Variants in PLCE1 observed in about 807,000 individuals in gnomAD.
The protein encoded by PLCE1 is 1-phosphatidylinositol 4,5-bisphosphate phosphodiesterase epsilon-1.
PLCE1 carries 119 observed loss-of-function variants against 242.8 expected under a neutral mutation model. The ratio of observed to expected loss-of-function variants is 0.49; its 90% CI spans 0.42 to 0.57. The LOEUF (loss-of-function observed/expected upper bound fraction) is 0.57, where lower values mean the gene tolerates loss of function less well. Ranked by LOEUF, PLCE1 falls within the 20% of genes least tolerant of loss-of-function variation. The pLI is 0.00. For missense variants in PLCE1, 2,441 were observed against 2,788.8 expected, an observed-to-expected ratio of 0.88 and a Z score of 2.81; for synonymous variants, 945 against 1,017.4, an observed-to-expected ratio of 0.93 and a Z score of 1.35.
At chr10:94,266,207 GT>G (rs2051510723) in intron 16 of PLCE1, among the ~76,000 whole-genome samples, 1 of 151,920 alleles carries the variant, frequency 6.6e-6, no homozygotes, top group Non-Finnish European at 1.5e-5. Flanking sequence ...GAAAGTGTTT[GT>G]TTGAGACTCA....
chr10:94,097,869 G>A (rs2045372955), intron 2 of PLCE1, among the ~76,000 whole-genome samples: 1 of 152,224 alleles, frequency 6.6e-6, no homozygotes, highest in Non-Finnish European at 1.5e-5. Context: ...ATGCTCCAAA[G>A]TAGCATTGGC....
At chr10:94,230,288 T>A (rs1477082498) in intron 5 of PLCE1, among the ~76,000 whole-genome samples, 1 of 152,144 alleles carries the variant, frequency 6.6e-6, no homozygotes, top group African/African-American at 2.4e-5. Context: ...ATCCAGGTAA[T>A]GGAATATTAT....
intron 1 of PLCE1, among the ~76,000 whole-genome samples, chr10:94,027,349 C>T (rs1456719714): frequency 6.6e-6 from 1 of 152,174 alleles, no homozygotes; most frequent in Admixed American, 6.5e-5. Context: ...GTGTACTCAA[C>T]AAATATTTGC....
chr10:94,304,689 C>T (rs2053145409), intron 25 of PLCE1, 44 bp downstream of exon 25: 1 of 1,595,590 alleles, frequency 6.3e-7, no homozygotes. Flanking sequence ...CGGGTTTAAG[C>T]CTTCCTGAAA....
rs763759972 is a variant in PLCE1, at chr10:94,298,576, C to T, written c.5365C>T (p.Pro1789Ser). 1 of 1,614,088 alleles carries T rather than the reference C, an allele frequency of 6.2e-7. No homozygotes were observed. The highest frequency in any genetic ancestry group is 1.1e-5 in the South Asian group (1 of 91,080). ...CGCCTGTCAGCTGCTGAGAACTTAC[C>T]CTGCTGCCACCCGCATCGACTCTTC... ...HTACQLLRTY[P>S]AATRIDSSNP... is the part of the protein sequence containing the mutation. Residue 1789 changes from proline to serine, a missense_variant, in exon 24 of 33, where the codon CCT (proline) becomes TCT (serine). By Grantham distance (74) the Pro-to-Ser change is moderately conservative. Around this residue, in one of 5 missense-constraint regions of PLCE1, gnomAD observed 1,004 missense variants for 1,322.7 expected, o/e 0.76. Coordinates refer to ENST00000371380, the MANE Select transcript of PLCE1 (RefSeq NM_016341.4). This position sits in a 1 kb window ranked among gnomAD's most constrained non-coding sequence, Gnocchi z 5.2.
intron 27 of PLCE1, among the ~76,000 whole-genome samples, chr10:94,309,219 G>A (rs533854988): frequency 5.9e-5 from 9 of 152,346 alleles, no homozygotes; most frequent in African/African-American, 1.4e-4. Flanking sequence ...CTCTGCTGGC[G>A]ATGCATAACT....
intron 26 of PLCE1, among the ~76,000 whole-genome samples, chr10:94,307,068 G>A (rs2053229470): frequency 6.6e-6 from 1 of 152,162 alleles, no homozygotes; most frequent in Admixed American, 6.5e-5. Flanking sequence ...GTTGGAGTCG[G>A]TGCCTGGCAG....
chr10:94,118,687 G>A (rs1398173389), intron 2 of PLCE1, among the ~76,000 whole-genome samples: 1 of 152,166 alleles, frequency 6.6e-6, no homozygotes, highest in Non-Finnish European at 1.5e-5. Flanking sequence ...CCAGTCATGT[G>A]GAACTATAAG....
rs761601311 is a variant in PLCE1, at chr10:94,132,226, T to G, written c.1259T>G (p.Leu420Arg). 6.2e-7 allele frequency: 1 copy of G among 1,614,092 alleles called. No individual in the cohort carries two copies. The highest frequency in any genetic ancestry group is 8.5e-7 in the Non-Finnish European group (1 of 1,179,974). Residue 420 changes from leucine to arginine, a missense_variant, in exon 3 of 33, where the codon CTC becomes CGC. This residue lies in a region of PLCE1 where 733 missense variants were observed against 754.2 expected (regional missense o/e 0.97). Coordinates refer to ENST00000371380, the MANE Select transcript of PLCE1 (RefSeq NM_016341.4). ...ACAGAAAATACAGTTGGATCTCTACTCCATTTCCTCACCAAGCTCCCAGCC... is the reference window on the plus strand; with the variant it reads ...ACAGAAAATACAGTTGGATCTCTACGCCATTTCCTCACCAAGCTCCCAGCC... The part of the protein sequence containing the change: ...EETENTVGSL[L>R]HFLTKLPASE...
chr10:94,113,957 G>T (rs1188230468), intron 2 of PLCE1, among the ~76,000 whole-genome samples: 1 of 152,204 alleles, frequency 6.6e-6, no homozygotes, highest in Non-Finnish European at 1.5e-5. Flanking sequence ...AGAAGGCCAA[G>T]TTCAGTTTTC....
intron 2 of PLCE1, among the ~76,000 whole-genome samples, chr10:94,106,780 G>A (rs2045750919): frequency 6.6e-6 from 1 of 151,644 alleles, no homozygotes; most frequent in Admixed American, 6.6e-5. Flanking sequence ...CTCCTCTCTG[G>A]GAGCTCATAT....
chr10:93,996,414 T>C (rs1022483940), intron 1 of PLCE1, among the ~76,000 whole-genome samples: 1 of 152,146 alleles, frequency 6.6e-6, no homozygotes, highest in African/African-American at 2.4e-5. Flanking sequence ...AGACAGGTGA[T>C]TAGGAAACAT....
intron 2 of PLCE1, among the ~76,000 whole-genome samples, chr10:94,114,760 CT>C (rs35602455): frequency 0.83 from 123,175 of 147,976 alleles, 53,893 homozygotes; most frequent in South Asian, 0.97. Context: ...TTGCACAGTT[CT>C]TTTTTTTTTT....
chr10:94,163,031 T>C lies in PLCE1; in HGVS notation c.1493-8149T>C, dbSNP rs1362451367. Among the ~76,000 whole-genome samples, 3 of 152,362 alleles carry C rather than the reference T, an allele frequency of 2.0e-5. No homozygotes were observed. The East Asian group carries it at 5.8e-4, about 29-fold the overall frequency. On this transcript the variant is annotated intron_variant, in intron 3 of 32. Transcript: ENST00000371380. ...CCGTGGTCTGAGAGACAGTTTGTTATAATTTCTGTTCTTTTACATTTGCTG... is the reference window on the plus strand; with the variant it reads ...CCGTGGTCTGAGAGACAGTTTGTTACAATTTCTGTTCTTTTACATTTGCTG...
At chr10:94,008,341 C>A (rs829226) in intron 1 of PLCE1, among the ~76,000 whole-genome samples, 75,931 of 151,736 alleles carry the variant, frequency 0.5, 19,408 homozygotes, top group East Asian at 0.73. Flanking sequence ...TGGAGTTTTG[C>A]TCCTTTGCCT....
At chr10:94,302,179 C>T (rs2053061434) in intron 24 of PLCE1, among the ~76,000 whole-genome samples, 1 of 152,244 alleles carries the variant, frequency 6.6e-6, no homozygotes, top group East Asian at 1.9e-4. Flanking sequence ...TATTTCAAAC[C>T]GTGCGGCTCT....
intron 2 of PLCE1, among the ~76,000 whole-genome samples, chr10:94,085,547 C>T (rs2044788665): frequency 6.6e-6 from 1 of 152,218 alleles, no homozygotes; most frequent in African/African-American, 2.4e-5. Context: ...AGGAGGCCAG[C>T]TGGGCTGCAG....
intron 3 of PLCE1, among the ~76,000 whole-genome samples, chr10:94,141,116 T>A (rs1292432799): frequency 1.3e-5 from 2 of 152,228 alleles, no homozygotes; most frequent in Non-Finnish European, 2.9e-5. Context: ...TTAAAGGTGG[T>A]ATGAGTAGGT....
chr10:94,219,004 T>C (rs1185710801), intron 4 of PLCE1, among the ~76,000 whole-genome samples: 2 of 148,408 alleles, frequency 1.3e-5, no homozygotes, highest in African/African-American at 4.9e-5. Context: ...TAATTATTAA[T>C]TGTTAATTTT....
Sources: allele counts gnomAD v4.1 joint callset (sites outside exome capture counted in the v4.1 genomes callset), GRCh38; gene constraint gnomAD v4.1.1; regional missense constraint gnomAD v4.1.1; non-coding constraint Gnocchi (gnomAD v3.1); transcripts MANE v1.5; gene names NCBI Gene and HGNC (gene_info 2026-07-23, HGNC 2026-07-21).